The following XRCC2 variants were observed in gnomAD, a reference collection of about 807,000 sequenced individuals.
XRCC2 encodes X-ray repair cross complementing 2.
In XRCC2, 24 loss-of-function variants were observed where a neutral mutation model predicts 27.3. The observed-to-expected ratio is 0.88, with a 90% CI of 0.64 to 1.24. The LOEUF (loss-of-function observed/expected upper bound fraction) is 1.24. Among genes scored for constraint, XRCC2 ranks in the 50% most tolerant of loss-of-function variants. The pLI is 0.00. For synonymous variants in XRCC2, 106 were observed against 115.4 expected (o/e 0.92, Z 0.52); for missense variants, 321 against 325.8 (o/e 0.99, Z 0.11).
chr7:152,676,080 C>A lies in XRCC2; in HGVS notation c.-1G>T. 6.2e-7 allele frequency: 1 copy of A among 1,613,836 alleles called. No homozygotes were observed. The highest frequency in any genetic ancestry group is 1.1e-5 in the South Asian group (1 of 91,088). On this transcript the variant is annotated 5_prime_UTR_variant, in exon 1 of 3. Transcript: ENST00000359321. Reference sequence around the variant, plus strand: ...CAGCCCTATGGAAGGCACTACACATCGCCCCGAAGGCTCGGCGCAGGAGAG... The same window carrying A: ...CAGCCCTATGGAAGGCACTACACATAGCCCCGAAGGCTCGGCGCAGGAGAG...
intron 2 of XRCC2, among the ~76,000 whole-genome samples, chr7:152,655,219 T>A (rs1563028399): frequency 6.6e-6 from 1 of 152,114 alleles, no homozygotes; most frequent in Admixed American, 6.5e-5. Context: ...TAACAGATTG[T>A]CAGAAAGAGT....
In XRCC2 at chr7:152,649,227, G is replaced by A. The variant is rs1554410545; in HGVS notation, c.258C>T (p.His86=). 1 of 1,613,918 alleles carries A rather than the reference G, an allele frequency of 6.2e-7. No homozygotes were observed. The highest frequency in any genetic ancestry group is 8.5e-7 in the Non-Finnish European group (1 of 1,180,028). ...VEVLFIDTDY[H]FDMLRLVTIL... ...TTGTAACTAGCCGGAGCATATCAAAGTGGTAATCTGTATCAATAAATAAGA... is the reference window on the plus strand; with the variant it reads ...TTGTAACTAGCCGGAGCATATCAAAATGGTAATCTGTATCAATAAATAAGA... Residue 86 remains histidine (H), a synonymous_variant, in exon 3 of 3, where the codon CAC becomes CAT. Transcript: ENST00000359321.
chr7:152,663,292 A>T (rs1319392476), intron 1 of XRCC2, among the ~76,000 whole-genome samples: 2 of 141,330 alleles, frequency 1.4e-5, no homozygotes, highest in Non-Finnish European at 3.0e-5. Flanking sequence ...ATCGCCAAGC[A>T]CTACCTGCAC....
intron 1 of XRCC2, among the ~76,000 whole-genome samples, chr7:152,670,004 G>A (rs1365206728): frequency 6.6e-6 from 1 of 152,010 alleles, no homozygotes; most frequent in Non-Finnish European, 1.5e-5. Context: ...GGCATTGTGA[G>A]GGCATAAAAG....
chr7:152,662,819 C>T (rs543105555), intron 1 of XRCC2, among the ~76,000 whole-genome samples: 1 of 151,738 alleles, frequency 6.6e-6, no homozygotes, highest in Non-Finnish European at 1.5e-5. Context: ...GTGATCCGCC[C>T]GCCTCGGCCT....
At chr7:152,672,386 TTTC>T (rs1284206048) in intron 1 of XRCC2, among the ~76,000 whole-genome samples, 1 of 152,250 alleles carries the variant, frequency 6.6e-6, no homozygotes, top group Non-Finnish European at 1.5e-5. Flanking sequence ...CCCTGTAGCT[TTTC>T]TTTTTAAGAA....
At chr7:152,674,739 A>AAATATATTTTTAAATATATTTATATAT (rs1563035350) in intron 1 of XRCC2, among the ~76,000 whole-genome samples, 132 of 3,516 alleles carry the variant, frequency 0.038, 21 homozygotes, top group East Asian at 0.11. Flanking sequence ...TATTATATAT[A>AAATATATTTTTAAATATATTTATATAT]AATATATTTT....
rs751651780 is a variant in XRCC2 at position 152,649,260 on chromosome 7, T to C, written c.225A>G (p.Glu75=). Reference sequence around the variant, plus strand: ...CTGTATCAATAAATAAGACTTCTACTTCCAGGCCACCTTCTGATTTGGGAA... The same window carrying C: ...CTGTATCAATAAATAAGACTTCTACCTCCAGGCCACCTTCTGATTTGGGAA... The part of the protein sequence containing the change: ...CILPKSEGGL[E]VEVLFIDTDY... The change falls in exon 3 of 3, where the codon GAA becomes GAG. Residue 75 remains glutamate (E), a synonymous_variant. Coordinates refer to ENST00000359321, the MANE Select transcript of XRCC2 (RefSeq NM_005431.2). 3.2e-5 allele frequency: 51 copies of C among 1,613,710 alleles called. No individual in the cohort carries two copies. Among genetic ancestry groups the C allele is most frequent in the Non-Finnish European group, 4.2e-5 (49 of 1,180,038 alleles).
intron 2 of XRCC2, among the ~76,000 whole-genome samples, chr7:152,651,191 C>T (rs996209470): frequency 1.3e-5 from 2 of 152,044 alleles, no homozygotes; most frequent in East Asian, 3.9e-4. Flanking sequence ...CTACCCACCT[C>T]GGCCTCCCAA....
At chr7:152,669,338 T>C (rs911056902) in intron 1 of XRCC2, among the ~76,000 whole-genome samples, 2 of 152,196 alleles carry the variant, frequency 1.3e-5, no homozygotes, top group Non-Finnish European at 2.9e-5. Context: ...GTGTCCCAAA[T>C]GTCTTCAGCA....
At position 152,649,129 on chromosome 7, in the gene XRCC2, T is replaced by G. The variant is rs540634835; in HGVS notation, c.356A>C (p.Tyr119Ser). 15 of 1,613,694 alleles carry G rather than the reference T, an allele frequency of 9.3e-6. No homozygotes were observed. The East Asian group carries it at 3.3e-4, about 36-fold the overall frequency. ...KYCLGRFFLVYCSSSTHLLLT... is the reference protein window; with the variant it reads ...KYCLGRFFLVSCSSSTHLLLT... ...AAGTAAGTGGGTGCTACTACTGCAG[T>G]ACACCAAAAAAAATCTTCCCAGGCA... The change falls in exon 3 of 3, where the codon TAC becomes TCC. Residue 119 changes from tyrosine (Y) to serine (S), a missense_variant. Tyr to Ser is a moderately radical substitution (Grantham distance 144). Transcript: ENST00000359321.
intron 1 of XRCC2, among the ~76,000 whole-genome samples, chr7:152,669,981 G>GAA (rs1389470328): frequency 3.3e-5 from 5 of 151,502 alleles, no homozygotes; most frequent in African/African-American, 9.7e-5. Context: ...TGCTGTAACA[G>GAA]AAATACACAT....
intron 1 of XRCC2, among the ~76,000 whole-genome samples, chr7:152,673,182 A>AT (rs990212916): frequency 2.0e-5 from 3 of 152,184 alleles, no homozygotes; most frequent in South Asian, 2.1e-4. Flanking sequence ...CTGCTAAAAA[A>AT]ATATATATTC....
intron 2 of XRCC2, among the ~76,000 whole-genome samples, chr7:152,650,406 C>T (rs1221853115): frequency 3.3e-5 from 5 of 152,170 alleles, no homozygotes; most frequent in East Asian, 1.9e-4. Flanking sequence ...TATCTAGGCT[C>T]GAATAACTAA....
intron 1 of XRCC2, among the ~76,000 whole-genome samples, chr7:152,668,910 T>A (rs2117007689): frequency 6.6e-6 from 1 of 152,186 alleles, no homozygotes; most frequent in East Asian, 1.9e-4. Context: ...TCAACCCTAT[T>A]TGTTACTATT....
intron 1 of XRCC2, among the ~76,000 whole-genome samples, chr7:152,669,843 A>G (rs2098037433): frequency 6.6e-6 from 1 of 150,838 alleles, no homozygotes; most frequent in African/African-American, 2.4e-5. Context: ...CATGCCTGTA[A>G]TCCCAGCACT....
rs553733036 is a variant in XRCC2 at position 152,660,690 on chromosome 7, G to A, written c.121+11C>T. The A allele has an allele frequency of 6.2e-7, 1 of 1,601,472 alleles. No individual in the cohort carries two copies. The highest frequency in any genetic ancestry group is 1.1e-5 in the South Asian group (1 of 88,424). On this transcript the variant is annotated intron_variant, in intron 2 of 2. Transcript: ENST00000359321. ...ATTTGCATTTATTTATATAAAGGTT[G>A]TATTTTTTACCATGCACAGGTGAAT...
chr7:152,666,637 A>G (rs1407327303), intron 1 of XRCC2, among the ~76,000 whole-genome samples: 1 of 138,458 alleles, frequency 7.2e-6, no homozygotes, highest in African/African-American at 2.6e-5. Flanking sequence ...TTTTTTTTTG[A>G]GACAGAGTCT....
intron 1 of XRCC2, among the ~76,000 whole-genome samples, chr7:152,669,980 A>G (rs1308811628): frequency 6.6e-6 from 1 of 151,996 alleles, no homozygotes; most frequent in African/African-American, 2.4e-5. Flanking sequence ...GTGCTGTAAC[A>G]GAAATACACA....
Sources: gnomAD v4.1 joint callset for allele counts (sites outside exome capture counted in the v4.1 genomes callset) on GRCh38, gnomAD v4.1.1 for gene constraint, MANE v1.5 for transcripts, NCBI Gene and HGNC (gene_info 2026-07-23, HGNC 2026-07-21) for gene names.